The following KIF26B variants were observed in gnomAD, a reference collection of about 807,000 sequenced individuals.
KIF26B encodes kinesin-like protein KIF26B.
KIF26B carries 63 observed loss-of-function variants against 151.2 expected under a neutral mutation model. The ratio of observed to expected loss-of-function variants is 0.42; its 90% confidence interval spans 0.34 to 0.51. The LOEUF is 0.51. KIF26B is among the 20% of genes least tolerant of loss of function. The pLI, the probability that KIF26B is intolerant of heterozygous loss-of-function variation, is 0.07. For missense variants in KIF26B, 2,813 were observed against 2,913.6 expected (o/e 0.97, Z 0.79); for synonymous variants, 1,357 against 1,262.1 (o/e 1.08, Z -1.59).
chr1:245,548,177 C>T (rs1254034550), intron 5 of KIF26B, among the ~76,000 whole-genome samples: 1 of 152,090 alleles, frequency 6.6e-6, no homozygotes, highest in Non-Finnish European at 1.5e-5. Flanking sequence ...TTTCAGTTTC[C>T]GTCACTAGGT....
chr1:245,400,000 T>G (rs1462371957), intron 3 of KIF26B, among the ~76,000 whole-genome samples: 1 of 152,190 alleles, frequency 6.6e-6, no homozygotes, highest in Non-Finnish European at 1.5e-5. Context: ...CAAAATAACC[T>G]TTATAGATAT....
chr1:245,172,708 G>A (rs902867550), intron 2 of KIF26B, among the ~76,000 whole-genome samples: 1 of 152,172 alleles, frequency 6.6e-6, no homozygotes, highest in African/African-American at 2.4e-5. Context: ...TACTTGGGAG[G>A]CTGAGGCAGG....
At chr1:245,372,769 G>A (rs1340056510) in intron 3 of KIF26B, among the ~76,000 whole-genome samples, 1 of 152,214 alleles carries the variant, frequency 6.6e-6, no homozygotes, top group Non-Finnish European at 1.5e-5. Flanking sequence ...TGTTGGTGAT[G>A]TTGGTGTTGG....
intron 4 of KIF26B, among the ~76,000 whole-genome samples, chr1:245,423,931 C>T (rs372450639): frequency 5.3e-5 from 8 of 152,044 alleles, no homozygotes; most frequent in South Asian, 2.1e-4. Flanking sequence ...CTCAGCCTCC[C>T]GGGCTCAAGC....
chr1:245,203,738 T>G (rs867999433), intron 2 of KIF26B, among the ~76,000 whole-genome samples: 1 of 152,246 alleles, frequency 6.6e-6, no homozygotes, highest in Non-Finnish European at 1.5e-5. Context: ...CGCTTTTCCC[T>G]GGACGTTCAG....
intron 5 of KIF26B, among the ~76,000 whole-genome samples, chr1:245,576,059 C>G (rs190281252): frequency 3.3e-5 from 5 of 152,304 alleles, no homozygotes; most frequent in Non-Finnish European, 7.4e-5. Flanking sequence ...GCATCAGGCT[C>G]TTCAGACCCT....
At chr1:245,351,438 A>G (rs1233982304) in intron 2 of KIF26B, among the ~76,000 whole-genome samples, 1 of 152,082 alleles carries the variant, frequency 6.6e-6, no homozygotes, top group Non-Finnish European at 1.5e-5. Context: ...GAGAAAACTC[A>G]GCTATGCCTT....
intron 2 of KIF26B, among the ~76,000 whole-genome samples, chr1:245,364,425 T>C (rs1223362096): frequency 2.0e-3 from 235 of 117,546 alleles, no homozygotes; most frequent in African/African-American, 0.011. Context: ...TCTCTCTCTT[T>C]TTTTTTTTTT....
chr1:245,583,740 G>A (rs911709291), intron 5 of KIF26B, among the ~76,000 whole-genome samples: 4 of 152,154 alleles, frequency 2.6e-5, no homozygotes, highest in Non-Finnish European at 5.9e-5. Context: ...CACTTTCGGT[G>A]TGTCAAAGCT....
chr1:245,571,391 AG>A (rs1226308567), intron 5 of KIF26B, among the ~76,000 whole-genome samples: 1 of 152,208 alleles, frequency 6.6e-6, no homozygotes, highest in East Asian at 1.9e-4. Context: ...CCCTAGATCA[AG>A]GGGCAGATAA....
At chr1:245,605,320 G>A (rs980132107) in intron 6 of KIF26B, among the ~76,000 whole-genome samples, 8 of 152,192 alleles carry the variant, frequency 5.3e-5, no homozygotes, top group African/African-American at 1.9e-4. Flanking sequence ...CCCACAGGGT[G>A]GGCACCCCTG....
chr1:245,223,078 G>A (rs1328883351), intron 2 of KIF26B, among the ~76,000 whole-genome samples: 1 of 152,072 alleles, frequency 6.6e-6, no homozygotes, highest in African/African-American at 2.4e-5. Flanking sequence ...GACAGTTTTA[G>A]TTGTTACAGC....
intron 4 of KIF26B, among the ~76,000 whole-genome samples, chr1:245,508,937 C>A (rs1358616427): frequency 1.3e-5 from 2 of 152,192 alleles, no homozygotes; most frequent in Non-Finnish European, 2.9e-5. Flanking sequence ...ACTCTCTAGA[C>A]TAAATCCTAT....
At chr1:245,260,121 G>T (rs530650266) in intron 2 of KIF26B, among the ~76,000 whole-genome samples, 1 of 152,064 alleles carries the variant, frequency 6.6e-6, no homozygotes. Context: ...GGCAAGGAGA[G>T]GAGGTAACAG....
intron 2 of KIF26B, among the ~76,000 whole-genome samples, chr1:245,259,891 C>T (rs541372073): frequency 7.1e-6 from 1 of 141,560 alleles, no homozygotes; most frequent in African/African-American, 2.7e-5. Context: ...GACAAGATTG[C>T]ACTGCTGCAC....
chr1:245,346,892 G>C (rs75205981), intron 2 of KIF26B, among the ~76,000 whole-genome samples: 4,620 of 152,150 alleles, frequency 0.03, 137 homozygotes, highest in African/African-American at 0.073. Context: ...CCTACCTCAT[G>C]TCTTCATGTC....
intron 3 of KIF26B, among the ~76,000 whole-genome samples, chr1:245,368,972 T>TA (rs141270822): frequency 0.048 from 7,224 of 151,766 alleles, 411 homozygotes; most frequent in African/African-American, 0.13. Context: ...CCGTCTCTAT[T>TA]AAAAAAAATA....
intron 9 of KIF26B, among the ~76,000 whole-genome samples, chr1:245,638,873 T>C (rs917749605): frequency 2.0e-5 from 3 of 151,934 alleles, no homozygotes; most frequent in African/African-American, 2.4e-5. Flanking sequence ...AATATATTGC[T>C]GTCTTCTGTT....
At chr1:245,652,134 GTGTGTGTGTGT>G (rs1558252825) in intron 10 of KIF26B, among the ~76,000 whole-genome samples, 1 of 140,898 alleles carries the variant, frequency 7.1e-6, no homozygotes, top group Non-Finnish European at 1.5e-5. Context: ...GTGTGTGTGT[GTGTGTGTGTGT>G]GAGAGAGACA....
Sources: allele counts gnomAD v4.1 joint callset (sites outside exome capture counted in the v4.1 genomes callset), GRCh38; gene constraint gnomAD v4.1.1; transcripts MANE v1.5; gene names NCBI Gene and HGNC (gene_info 2026-07-23, HGNC 2026-07-21).